Variants in CCDC102B observed in about 807,000 individuals in gnomAD.
CCDC102B encodes the protein coiled-coil domain-containing protein 102B.
In CCDC102B, 75 loss-of-function variants were observed where a neutral mutation model predicts 57.4. That is an observed-to-expected ratio of 1.31 (90% CI 1.08 to 1.58). The LOEUF is 1.58. Among genes scored for constraint, CCDC102B ranks in the 40% most tolerant of loss-of-function variants. The pLI, the probability that CCDC102B is intolerant of heterozygous loss-of-function variation, is 0.00. For synonymous variants in CCDC102B, 206 were observed against 201.9 expected (o/e 1.02, Z -0.17); for missense variants, 636 against 582.6 (o/e 1.09, Z -0.94).
At chr18:69,040,286 T>C (rs1014565621) in intron 7 of CCDC102B, among the ~76,000 whole-genome samples, 10 of 151,884 alleles carry the variant, frequency 6.6e-5, no homozygotes, top group Non-Finnish European at 8.8e-5. Flanking sequence ...AGCTCATGAG[T>C]GAAAGTTATA....
chr18:68,739,490 T>G (rs874739), intron 2 of CCDC102B, among the ~76,000 whole-genome samples: 31,863 of 152,096 alleles, frequency 0.21, 5,429 homozygotes, highest in African/African-American at 0.46. Flanking sequence ...TAGGTCAACA[T>G]TTTATGCAAC....
At position 68,988,562 on chromosome 18, in the gene CCDC102B, AAAAC is replaced by A. The variant is rs556712646; in HGVS notation, c.1264-22368_1264-22365del. On this transcript the variant is annotated intron_variant, in intron 6 of 7. Transcript: ENST00000360242. ...AAAATAAGTGTTGAAATTACAAAAAAAAACAAAAAAAAAGGAAAAAAAAGAATTA... is the reference window on the plus strand; with the variant it reads ...AAAATAAGTGTTGAAATTACAAAAAAAAAAAAAAAGGAAAAAAAAGAATTA... Among the ~76,000 whole-genome samples, 872 of 147,156 alleles carry A rather than the reference AAAAC, an allele frequency of 5.9e-3. 8 individuals carry two copies. The highest frequency in any genetic ancestry group is 0.022 in the African/African-American group (800 of 36,734).
intron 6 of CCDC102B, among the ~76,000 whole-genome samples, chr18:68,940,668 G>T (rs1430187778): frequency 6.6e-6 from 1 of 151,452 alleles, no homozygotes; most frequent in Non-Finnish European, 1.5e-5. Context: ...ATATGAAAAA[G>T]AGCTTTGCAG....
intron 4 of CCDC102B, among the ~76,000 whole-genome samples, chr18:68,857,145 T>TAA (rs1286852921): frequency 0.058 from 659 of 11,356 alleles, 66 homozygotes; most frequent in African/African-American, 0.11. Flanking sequence ...ATATTATATA[T>TAA]AAATATATTT....
chr18:69,029,251 TC>T (rs554041141), intron 7 of CCDC102B, among the ~76,000 whole-genome samples: 60 of 152,336 alleles, frequency 3.9e-4, no homozygotes, highest in Non-Finnish European at 7.4e-4. Context: ...TTAGTCACTG[TC>T]CAGTTTTTTA....
At chr18:68,818,907 T>C (rs1046813531) in intron 1 of CCDC102B, among the ~76,000 whole-genome samples, 1 of 152,150 alleles carries the variant, frequency 6.6e-6, no homozygotes, top group Admixed American at 6.5e-5. Context: ...TTATTGCCGG[T>C]GTGCATATTG....
At chr18:68,827,153 A>G (rs1040069573) in intron 1 of CCDC102B, among the ~76,000 whole-genome samples, 20 of 152,128 alleles carry the variant, frequency 1.3e-4, no homozygotes, top group African/African-American at 4.6e-4. Flanking sequence ...AAAAGCGAGA[A>G]CTACCCTTAA....
At chr18:68,937,781 C>A (rs1320320428) in intron 6 of CCDC102B, among the ~76,000 whole-genome samples, 1 of 151,776 alleles carries the variant, frequency 6.6e-6, no homozygotes, top group Non-Finnish European at 1.5e-5. Context: ...CTGACAGGCC[C>A]AGGTATGTGA....
chr18:69,021,475 G>A (rs116980746), intron 7 of CCDC102B, among the ~76,000 whole-genome samples: 2,050 of 152,152 alleles, frequency 0.013, 22 homozygotes, highest in Non-Finnish European at 0.02. Flanking sequence ...AAAACCAGCC[G>A]GTTCATGTAA....
At chr18:68,825,677 G>A (rs1194391160) in intron 1 of CCDC102B, among the ~76,000 whole-genome samples, 1 of 152,062 alleles carries the variant, frequency 6.6e-6, no homozygotes, top group Non-Finnish European at 1.5e-5. Context: ...GTAACAGAGT[G>A]AGACTCAAAA....
intron 6 of CCDC102B, among the ~76,000 whole-genome samples, chr18:68,911,490 C>A (rs200198974): frequency 2.3e-4 from 34 of 150,640 alleles, no homozygotes; most frequent in Admixed American, 2.6e-4. Flanking sequence ...CGGTGGCTCA[C>A]GCCTGTAATC....
intron 6 of CCDC102B, among the ~76,000 whole-genome samples, chr18:68,921,399 G>C (rs1257439079): frequency 6.6e-6 from 1 of 152,120 alleles, no homozygotes; most frequent in African/African-American, 2.4e-5. Flanking sequence ...GCAGAATAAT[G>C]GTTTCCAAAG....
chr18:68,923,188 G>A (rs1196319117), intron 6 of CCDC102B, among the ~76,000 whole-genome samples: 1 of 150,912 alleles, frequency 6.6e-6, no homozygotes, highest in Non-Finnish European at 1.5e-5. Flanking sequence ...TTACCATTCT[G>A]TCCTGTTTTA....
At chr18:68,988,773 T>G (rs1038296378) in intron 6 of CCDC102B, among the ~76,000 whole-genome samples, 12 of 152,334 alleles carry the variant, frequency 7.9e-5, no homozygotes, top group Admixed American at 6.5e-4. Context: ...TACCATTATA[T>G]TGCATGGACT....
At chr18:69,038,169 T>G (rs2052344998) in intron 7 of CCDC102B, among the ~76,000 whole-genome samples, 1 of 151,880 alleles carries the variant, frequency 6.6e-6, no homozygotes. Flanking sequence ...CATAGTATTG[T>G]GAGGATTTTT....
intron 1 of CCDC102B, among the ~76,000 whole-genome samples, chr18:68,814,595 CTA>C (rs2036405550): frequency 6.6e-6 from 1 of 152,032 alleles, no homozygotes; most frequent in African/African-American, 2.4e-5. Flanking sequence ...GCAATTTTCT[CTA>C]TTTAAACCTT....
intron 2 of CCDC102B, among the ~76,000 whole-genome samples, chr18:68,783,080 A>G (rs903298819): frequency 6.6e-6 from 1 of 152,078 alleles, no homozygotes; most frequent in African/African-American, 2.4e-5. Flanking sequence ...TTTGCAGGTG[A>G]GGTAATTGGT....
chr18:68,726,508 A>T (rs1158375188), intron 2 of CCDC102B, among the ~76,000 whole-genome samples: 1 of 152,222 alleles, frequency 6.6e-6, no homozygotes, highest in East Asian at 1.9e-4. Flanking sequence ...CAATAACTTT[A>T]ATAGCTTCAG....
At chr18:69,016,441 G>A (rs1228910648) in intron 7 of CCDC102B, among the ~76,000 whole-genome samples, 1 of 152,078 alleles carries the variant, frequency 6.6e-6, no homozygotes. Context: ...AAGGACAGAT[G>A]AGATAAAGTT....
Sources: allele counts gnomAD v4.1 joint callset (sites outside exome capture counted in the v4.1 genomes callset), GRCh38; gene constraint gnomAD v4.1.1; transcripts MANE v1.5; gene names NCBI Gene and HGNC (gene_info 2026-07-23, HGNC 2026-07-21).